The following GALK2 variants were observed in gnomAD, a reference collection of about 807,000 sequenced individuals.
The protein encoded by GALK2 is N-acetylgalactosamine kinase.
GALK2 carries 36 observed loss-of-function variants against 52.4 expected under a neutral mutation model. The observed-to-expected ratio is 0.69, with a 90% CI of 0.53 to 0.91. GALK2 has a LOEUF of 0.91. Among genes scored for constraint, GALK2 ranks in the 40% least tolerant of loss-of-function variants. The pLI is 0.00. For missense variants in GALK2, 579 were observed against 559.1 expected, an observed-to-expected ratio of 1.04 and a Z score of -0.36; for synonymous variants, 176 against 199.1, an observed-to-expected ratio of 0.88 and a Z score of 0.98.
At chr15:49,265,345 G>A (rs1026428806) in intron 5 of GALK2, among the ~76,000 whole-genome samples, 5 of 152,226 alleles carry the variant, frequency 3.3e-5, no homozygotes, top group African/African-American at 7.2e-5. Context: ...AGCAATCAGC[G>A]AGGCTCCGTG....
At chr15:49,301,536 G>A (rs2059935) in intron 8 of GALK2, among the ~76,000 whole-genome samples, 3,386 of 152,128 alleles carry the variant, frequency 0.022, 103 homozygotes, top group South Asian at 0.076. Flanking sequence ...TGTATCAAGC[G>A]TATAACTCAA....
chr15:49,328,294 A>G lies in GALK2; in HGVS notation c.*135A>G. On this transcript the variant is annotated 3_prime_UTR_variant, in exon 10 of 10. Coordinates refer to ENST00000560031, the MANE Select transcript of GALK2 (RefSeq NM_002044.4). Reference sequence around the variant, plus strand: ...TGCTATTATATCAAGATATATTTTCAAAGAAATGGTTGAAAGCTCTCTATG... The same window carrying G: ...TGCTATTATATCAAGATATATTTTCGAAGAAATGGTTGAAAGCTCTCTATG... The G allele has an allele frequency of 7.0e-7, 1 of 1,438,648 alleles. No individual in the cohort carries two copies. 89.1% of individuals were successfully genotyped at this position (1,438,648 alleles called of 1,614,324 possible). A position where few individuals can be genotyped will look rare whatever the true frequency, so the allele number is the denominator to read the frequency against.
intron 7 of GALK2, among the ~76,000 whole-genome samples, chr15:49,288,612 A>G (rs554996273): frequency 1.3e-5 from 2 of 152,296 alleles, no homozygotes; most frequent in African/African-American, 2.4e-5. Flanking sequence ...AGTTGATTCA[A>G]TAGTGCATAC....
rs1330109084 is a variant in GALK2, at chr15:49,327,949, T to C, written c.1170-3T>C. 3 of 1,606,672 alleles carry C rather than the reference T, an allele frequency of 1.9e-6. No individual in the cohort carries two copies. The East Asian group carries it at 6.7e-5, about 36-fold the overall frequency. On this transcript the variant is annotated splice_region_variant and splice_polypyrimidine_tract_variant and intron_variant, in intron 9 of 9. Transcript: ENST00000560031. ...TCTAATATTTTTTTCCTCACTGTTT[T>C]AGGAAGTTTGGGGCTCAAGGGTCAC...
chr15:49,347,406 T>C (rs2041662111), intron 3 of GALK2, among the ~76,000 whole-genome samples: 1 of 152,200 alleles, frequency 6.6e-6, no homozygotes, highest in Admixed American at 6.5e-5. Context: ...TAGATGAAGG[T>C]GCTTCTCCTT....
At chr15:49,292,583 C>A in intron 8 of GALK2, 46 bp downstream of exon 8, 4 of 1,487,614 alleles carry the variant, frequency 2.7e-6, no homozygotes, top group Non-Finnish European at 3.7e-6. Flanking sequence ...CCCTCACTTA[C>A]AGCTGGAAGG....
intron 5 of GALK2, among the ~76,000 whole-genome samples, chr15:49,252,564 C>T (rs1468966042): frequency 6.6e-6 from 1 of 152,126 alleles, no homozygotes; most frequent in African/African-American, 2.4e-5. Flanking sequence ...ATATGCTATA[C>T]TTTATTTAAC....
At chr15:49,246,891 G>A (rs79985541) in intron 5 of GALK2, among the ~76,000 whole-genome samples, 9,165 of 152,180 alleles carry the variant, frequency 0.06, 555 homozygotes, top group African/African-American at 0.15. Context: ...GTTGTTCTAG[G>A]CACTGGAAAT....
At chr15:49,279,013 G>A (rs905958259) in intron 5 of GALK2, among the ~76,000 whole-genome samples, 1 of 152,136 alleles carries the variant, frequency 6.6e-6, no homozygotes, top group East Asian at 1.9e-4. Flanking sequence ...CAGATCTCCC[G>A]AGACTCACTC....
intron 5 of GALK2, among the ~76,000 whole-genome samples, chr15:49,262,863 A>T: frequency 7.0e-6 from 1 of 142,588 alleles, no homozygotes; most frequent in African/African-American, 2.7e-5. Flanking sequence ...TTCAGTTTCC[A>T]TGTAGTTGAG....
intron 1 of GALK2, among the ~76,000 whole-genome samples, chr15:49,159,586 A>C (rs1446664859): frequency 6.6e-6 from 1 of 151,878 alleles, no homozygotes; most frequent in Non-Finnish European, 1.5e-5. Context: ...AAAAAAAAAA[A>C]AAAAAATAAA....
intron 1 of GALK2, among the ~76,000 whole-genome samples, chr15:49,179,203 A>T (rs2085761177): frequency 6.6e-6 from 1 of 152,140 alleles, no homozygotes; most frequent in African/African-American, 2.4e-5. Context: ...CAAATATAAC[A>T]GTAATAATAG....
intron 1 of GALK2, among the ~76,000 whole-genome samples, chr15:49,159,601 A>T (rs772854687): frequency 1.3e-5 from 2 of 151,948 alleles, no homozygotes; most frequent in South Asian, 4.1e-4. Context: ...AATAAAATAA[A>T]ATAAATAATT....
At chr15:49,237,703 C>T (rs1009254863) in intron 4 of GALK2, among the ~76,000 whole-genome samples, 1 of 152,122 alleles carries the variant, frequency 6.6e-6, no homozygotes, top group African/African-American at 2.4e-5. Flanking sequence ...TCTTGAACTC[C>T]TGACTTCGTG....
At chr15:49,252,588 T>C (rs1196054136) in intron 5 of GALK2, among the ~76,000 whole-genome samples, 2 of 152,200 alleles carry the variant, frequency 1.3e-5, no homozygotes, top group East Asian at 3.8e-4. Context: ...ACCTCTATGA[T>C]GGAAATGTAG....
At chr15:49,224,790 T>C (rs1469720311) in intron 3 of GALK2, among the ~76,000 whole-genome samples, 1 of 152,234 alleles carries the variant, frequency 6.6e-6, no homozygotes, top group Non-Finnish European at 1.5e-5. Flanking sequence ...TTTTTCCTTT[T>C]ACTTTAGTTT....
Position 49,294,653 on chromosome 15 carries a change from GA to G in GALK2, c.967+2117del, listed in dbSNP as rs1442949111. Among the ~76,000 whole-genome samples, 1,029 of 152,278 alleles carry G rather than the reference GA, an allele frequency of 6.8e-3. 9 individuals are homozygous for G. The highest frequency in any genetic ancestry group is 0.024 in the African/African-American group (984 of 41,540). ...ATTGTGCTAGATGCTGGGATACAAA[GA>G]TAATCAGGACACAGTCTCTACTTTA... On this transcript the variant is annotated intron_variant, in intron 8 of 9. Coordinates refer to ENST00000560031, the MANE Select transcript of GALK2 (RefSeq NM_002044.4).
intron 5 of GALK2, among the ~76,000 whole-genome samples, chr15:49,278,935 C>T (rs1043774282): frequency 1.3e-5 from 2 of 152,226 alleles, no homozygotes; most frequent in African/African-American, 4.8e-5. Flanking sequence ...GAAGCAGGTA[C>T]TTTCTTCACA....
chr15:49,212,060 T>C (rs1042956397), intron 2 of GALK2, among the ~76,000 whole-genome samples: 1 of 152,174 alleles, frequency 6.6e-6, no homozygotes, highest in East Asian at 1.9e-4. Flanking sequence ...AAAAATTATC[T>C]GACTTTATTT....
Sources: gnomAD v4.1 joint callset for allele counts (sites outside exome capture counted in the v4.1 genomes callset) on GRCh38, gnomAD v4.1.1 for gene constraint, MANE v1.5 for transcripts, NCBI Gene and HGNC (gene_info 2026-07-23, HGNC 2026-07-21) for gene names.